TANC2: variants seen among roughly 807,000 people sequenced by gnomAD.
The protein encoded by TANC2 is protein TANC2.
TANC2 carries 26 observed loss-of-function variants against 210.5 expected under a neutral mutation model. The ratio of observed to expected loss-of-function variants is 0.12; its 90% CI spans 0.09 to 0.17. TANC2 has a LOEUF of 0.17. TANC2 is among the 10% of genes least tolerant of loss of function. The pLI is 1.00. For synonymous variants in TANC2, 931 were observed against 967.1 expected (o/e 0.96, Z 0.69); for missense variants, 2,129 against 2,608.9 (o/e 0.82, Z 4.01).
At chr17:63,238,109 GTTGTTAAATAATCATTTTA>G (rs1482217675) in intron 8 of TANC2, 32 bp downstream of exon 8, 2 of 1,504,240 alleles carry the variant, frequency 1.3e-6, no homozygotes, top group Admixed American at 4.6e-5. Context: ...TGTTGTTGCT[GTTGTTAAATAATCATTTTA>G]CTCCAGTATA....
chr17:63,421,362 A>C lies in TANC2; in HGVS notation c.5632A>C (p.Asn1878His). 1 of 1,613,938 alleles carries C rather than the reference A, an allele frequency of 6.2e-7. No individual in the cohort carries two copies. The highest frequency in any genetic ancestry group is 1.1e-5 in the South Asian group (1 of 91,074). The change falls in exon 28 of 28, where the codon AAC (asparagine) becomes CAC (histidine). Residue 1878 changes from asparagine to histidine, a missense_variant. Asn to His is a moderately conservative substitution (Grantham distance 68). Transcript: ENST00000689528. The surrounding 1 kb of genome is among the most constrained non-coding windows in gnomAD (Gnocchi z 6.9). The stretch of plus-strand genomic sequence containing the variant: ...TAGCAATAGTATCTCCTCCACCTCC[A>C]ACCTAACTCCGACCTTCCGGCCATC...
chr17:63,263,701 C>T (rs1401650428), intron 8 of TANC2, among the ~76,000 whole-genome samples: 1 of 152,208 alleles, frequency 6.6e-6, no homozygotes, highest in African/African-American at 2.4e-5. Context: ...GTCAGCAAGC[C>T]TGTTCTTGAA....
intron 4 of TANC2, among the ~76,000 whole-genome samples, chr17:63,133,425 G>A (rs1004638077): frequency 6.6e-5 from 10 of 151,772 alleles, no homozygotes; most frequent in Non-Finnish European, 1.5e-4. Context: ...TACTTCCCAC[G>A]TTGATTGACT....
At position 63,255,076 on chromosome 17, in the gene TANC2, T is replaced by C. The variant is rs532784014; in HGVS notation, c.1034-12672T>C. 1.0e-3 allele frequency among the ~76,000 whole-genome samples: 145 copies of C among 144,808 alleles called. 1 individual carries two copies. Among genetic ancestry groups the C allele is most frequent in the Non-Finnish European group, 1.4e-3 (93 of 66,424 alleles). The allele number at this position is 144,808 out of a possible 152,430, so 95.0% of individuals were successfully genotyped here. On this transcript the variant is annotated intron_variant, in intron 8 of 27. Transcript: ENST00000689528. ...TAGTTATTTTTTATTTATTTATTTA[T>C]TTATTTATTTATTTATTTATTTATT...
chr17:63,111,866 C>G (rs1298297688), intron 4 of TANC2, among the ~76,000 whole-genome samples: 3 of 152,096 alleles, frequency 2.0e-5, no homozygotes, highest in Non-Finnish European at 2.9e-5. Flanking sequence ...GCTGGGATTA[C>G]AGGCGTGCAC....
rs2146058561 is a variant in TANC2, at chr17:63,238,401, G to A, written c.1033+324G>A. 3.3e-5 allele frequency among the ~76,000 whole-genome samples: 5 copies of A among 152,232 alleles called. 1 individual carries two copies. The South Asian group carries it at 1.0e-3, about 32-fold the overall frequency. On this transcript the variant is annotated intron_variant, in intron 8 of 27. Transcript: ENST00000689528. ...ATGAGAAGTCTTTGAAAGAATTTTA[G>A]TTTGAGGTTTTAGTTCTTTTCTTAA...
chr17:63,215,531 G>T (rs1030754688), intron 7 of TANC2, among the ~76,000 whole-genome samples: 4 of 151,962 alleles, frequency 2.6e-5, no homozygotes, highest in African/African-American at 9.7e-5. Context: ...GGGGAGAGAG[G>T]CTAGAGATTG....
intron 2 of TANC2, among the ~76,000 whole-genome samples, chr17:63,027,971 C>T (rs1406584898): frequency 6.6e-6 from 1 of 151,612 alleles, no homozygotes; most frequent in African/African-American, 2.4e-5. Flanking sequence ...ATTTGACTCC[C>T]CAGAGAAAAT....
chr17:63,007,485 T>A (rs780494991), intron 1 of TANC2, among the ~76,000 whole-genome samples: 3 of 152,182 alleles, frequency 2.0e-5, no homozygotes, highest in Non-Finnish European at 2.9e-5. Context: ...ATTATAAACC[T>A]TACTATTTGT....
At chr17:62,981,114 C>A (rs2032275210) in intron 1 of TANC2, among the ~76,000 whole-genome samples, 1 of 152,178 alleles carries the variant, frequency 6.6e-6, no homozygotes, top group Admixed American at 6.5e-5. Flanking sequence ...TGGTTTAGTG[C>A]TGCCCAGCTG....
At chr17:63,055,965 CAAAAAAAA>C (rs869063496) in intron 2 of TANC2, among the ~76,000 whole-genome samples, 31 of 52,562 alleles carry the variant, frequency 5.9e-4, no homozygotes, top group South Asian at 1.6e-3. Context: ...TCATCTCTAC[CAAAAAAAA>C]AAAAAAAAAA....
At chr17:63,129,046 C>T (rs2038819129) in intron 4 of TANC2, among the ~76,000 whole-genome samples, 1 of 152,106 alleles carries the variant, frequency 6.6e-6, no homozygotes, top group African/African-American at 2.4e-5. Context: ...GAGCCAGGGT[C>T]TCGCTCTGTC....
intron 7 of TANC2, among the ~76,000 whole-genome samples, chr17:63,210,498 T>C (rs919777159): frequency 6.6e-6 from 1 of 152,190 alleles, no homozygotes; most frequent in Non-Finnish European, 1.5e-5. Flanking sequence ...ATATTTATTT[T>C]CTTTATGTAA....
intron 21 of TANC2, 129 bp from the exon 22 acceptor site, chr17:63,411,382 C>A: frequency 1.2e-6 from 1 of 847,788 alleles, no homozygotes; most frequent in Non-Finnish European, 1.8e-6. Context: ...ATACCAGCAT[C>A]AGTCTTAAAA....
intron 5 of TANC2, among the ~76,000 whole-genome samples, chr17:63,169,767 T>G (rs2040335501): frequency 6.6e-6 from 1 of 151,324 alleles, no homozygotes; most frequent in African/African-American, 2.4e-5. Flanking sequence ...TGAGTCAAGA[T>G]CCCGCTATTG....
chr17:63,389,645 A>G, intron 17 of TANC2, 101 bp downstream of exon 17: 1 of 1,148,736 alleles, frequency 8.7e-7, no homozygotes, highest in Non-Finnish European at 1.3e-6. Flanking sequence ...TGGGTAGAGT[A>G]TATCAAACCA....
intron 4 of TANC2, among the ~76,000 whole-genome samples, chr17:63,133,762 T>G (rs920787719): frequency 6.6e-6 from 1 of 152,196 alleles, no homozygotes; most frequent in Non-Finnish European, 1.5e-5. Flanking sequence ...TGTATTATTC[T>G]CAAAACACTA....
chr17:63,389,599 A>G (rs949617359), intron 17 of TANC2, 55 bp downstream of exon 17: 2 of 1,471,436 alleles, frequency 1.4e-6, no homozygotes, highest in Non-Finnish European at 1.9e-6. Context: ...TTTTCGATGC[A>G]TACTCTTTCT....
chr17:63,337,424 TATTA>T (rs1401421380), intron 11 of TANC2, among the ~76,000 whole-genome samples: 4 of 142,916 alleles, frequency 2.8e-5, no homozygotes, highest in Admixed American at 6.7e-5. Flanking sequence ...TCTTGAACTC[TATTA>T]ATTCTAATAG....
Sources: gnomAD v4.1 joint callset for allele counts (sites outside exome capture counted in the v4.1 genomes callset) on GRCh38, gnomAD v4.1.1 for gene constraint, Gnocchi (gnomAD v3.1) non-coding constraint, MANE v1.5 for transcripts, NCBI Gene and HGNC (gene_info 2026-07-23, HGNC 2026-07-21) for gene names.